Variants in ANO7 observed in about 807,000 individuals in gnomAD.
ANO7 encodes the protein anoctamin 7, also known as anoctamin-7.
ANO7 carries 114 observed loss-of-function variants against 115.8 expected under a neutral mutation model. That is an observed-to-expected ratio of 0.98 (90% CI 0.85 to 1.15). The LOEUF (loss-of-function observed/expected upper bound fraction) is 1.15. Ranked by LOEUF, ANO7 falls within the 50% of genes most tolerant of loss-of-function variation. ANO7 has a pLI of 0.00. For synonymous variants in ANO7, 550 were observed against 498.2 expected, an observed-to-expected ratio of 1.10 and a Z score of -1.38; for missense variants, 1,302 against 1,201.2, an observed-to-expected ratio of 1.08 and a Z score of -1.24.
At chr2:241,216,356 C>T in intron 19 of ANO7, 118 bp downstream of exon 19, 3 of 1,306,802 alleles carry the variant, frequency 2.3e-6, no homozygotes, top group South Asian at 3.2e-5. Context: ...CTGAAATGTG[C>T]TGTGGGGGTG....
In ANO7 at chr2:241,209,291, C is replaced by T. The variant is rs776242853; in HGVS notation, c.1084C>T (p.Arg362Trp). 1.0e-5 allele frequency: 16 copies of T among 1,553,570 alleles called. No homozygotes were observed. The highest frequency in any genetic ancestry group is 2.4e-5 in the South Asian group (2 of 84,486). ...SSACALAQAG[R>W]LFDHGGTVFF... ...CCCCCGCTCCCTGCCACAGGCCGGC[C>T]GGCTGTTCGACCACGGCGGCACCGT... is the stretch of plus-strand genomic sequence containing the variant. The change falls in exon 12 of 25, where the codon CGG becomes TGG. Residue 362 changes from arginine (R) to tryptophan (W), a missense_variant. Arg to Trp is a moderately radical substitution (Grantham distance 101, BLOSUM62 -3). Coordinates refer to ENST00000674324, the MANE Select transcript of ANO7 (RefSeq NM_001370694.2).
At position 241,190,167 on chromosome 2, in the gene ANO7, C is replaced by T. The variant is rs866019321; in HGVS notation, c.104C>T (p.Ser35Leu). ...RGSYGSTAHA[S>L]EPGGQQAAAC... ...TCTTACGGGAGCACAGCCCACGCCT[C>T]GGAGGTAACAGCACCCAGGAGACTG... The change falls in exon 2 of 25, where the codon TCG (serine) becomes TTG (leucine). Residue 35 changes from serine (S) to leucine (L), a missense_variant. Ser to Leu is a moderately radical substitution (Grantham distance 145). Transcript: ENST00000674324. 4 of 1,559,220 alleles carry T rather than the reference C, an allele frequency of 2.6e-6. No homozygotes were observed. Among genetic ancestry groups the T allele is most frequent in the East Asian group, 2.4e-5 (1 of 41,708 alleles).
downstream of ANO7, chr2:241,230,068 C>T: frequency 6.3e-7 from 1 of 1,583,962 alleles, no homozygotes; most frequent in South Asian, 1.1e-5. The surrounding 1 kb of genome is among the most constrained non-coding windows in gnomAD (Gnocchi z 5.0). Context: ...ACAAGTGCCA[C>T]CTTGTCCCCT....
the ANO7 span, chr2:241,233,738 G>GC: frequency 6.6e-7 from 1 of 1,517,730 alleles, no homozygotes; most frequent in Non-Finnish European, 9.1e-7. This position sits in a 1 kb window ranked among gnomAD's most constrained non-coding sequence, Gnocchi z 4.3. Context: ...CCCCATCTAG[G>GC]CACATCTGGT....
rs575446747 is a variant in ANO7, at chr2:241,210,719, G to A, written c.1561+149G>A. ...TTTTGAGACAGGATCTCACTCTGTT[G>A]CCCAAGCTGGAGTGCACTGGCACGA... is the stretch of plus-strand genomic sequence containing the variant. On this transcript the variant is annotated intron_variant, in intron 15 of 24. Transcript: ENST00000674324. 2.5e-4 allele frequency: 185 copies of A among 733,078 alleles called. No homozygotes were observed. The African/African-American group carries it at 2.8e-3, about 11-fold the overall frequency. The allele number at this position is 733,078 out of a possible 1,614,324, so 45.4% of individuals were successfully genotyped here.
At chr2:241,212,043 T>C in intron 15 of ANO7, 51 bp from the exon 16 acceptor site, 1 of 1,514,256 alleles carries the variant, frequency 6.6e-7, no homozygotes, top group South Asian at 1.1e-5. Flanking sequence ...GGCCCCTAGT[T>C]GGATGCTGGT....
Position 241,206,211 on chromosome 2 carries a change from G to C in ANO7, c.980+1256G>C. ...AGGTGGGCAGGAGTGCTCCCAGGCT[G>C]ACACAGGTGGACAGGAGTGCTCCCA... is the stretch of plus-strand genomic sequence containing the variant. On this transcript the variant is annotated intron_variant, in intron 10 of 24. Transcript: ENST00000674324. 8.1e-5 allele frequency among the ~76,000 whole-genome samples: 2 copies of C among 24,726 alleles called. 1 individual carries two copies. Among genetic ancestry groups the C allele is most frequent in the Non-Finnish European group, 1.4e-4 (2 of 13,842 alleles). 16.2% of individuals were successfully genotyped at this position (24,726 alleles called of 152,430 possible).
intron 4 of ANO7, 54 bp downstream of exon 4, chr2:241,195,899 C>T (rs754511038): frequency 1.9e-6 from 3 of 1,613,928 alleles, no homozygotes; most frequent in Non-Finnish European, 2.5e-6. Context: ...ACTCAGTGAC[C>T]CATGACCTTG....
Position 241,224,218 on chromosome 2 carries a change from C to T in ANO7, c.*65C>T. 6.4e-7 allele frequency: 1 copy of T among 1,565,080 alleles called. No individual in the cohort carries two copies. On this transcript the variant is annotated 3_prime_UTR_variant, in exon 25 of 25. Coordinates refer to ENST00000674324, the MANE Select transcript of ANO7 (RefSeq NM_001370694.2). ...CCTCCTGAGCCCTGCGAGCAGCGTC[C>T]TTTTCCTCTTCCCTCAGGCAGCGGC... is the stretch of plus-strand genomic sequence containing the variant.
downstream of ANO7, chr2:241,228,677 C>T (rs1158097607): frequency 2.0e-5 from 3 of 152,740 alleles, no homozygotes; most frequent in African/African-American, 7.2e-5. Flanking sequence ...AGAGACCACT[C>T]CACGCCGGCT....
intron 21 of ANO7, among the ~76,000 whole-genome samples, chr2:241,219,142 A>G (rs1468455987): frequency 6.6e-6 from 1 of 152,258 alleles, no homozygotes. Flanking sequence ...CAGAGCAGGT[A>G]GATGTACTTC....
At chr2:241,201,957 G>C (rs753303465) in intron 7 of ANO7, among the ~76,000 whole-genome samples, 3 of 152,246 alleles carry the variant, frequency 2.0e-5, no homozygotes, top group African/African-American at 7.2e-5. Context: ...TGTGGCTCTG[G>C]TCAAGGACTC....
chr2:241,196,993 G>A (rs2149130878), intron 4 of ANO7, among the ~76,000 whole-genome samples: 1 of 152,302 alleles, frequency 6.6e-6, no homozygotes, highest in South Asian at 2.1e-4. Context: ...ATCGGCAGTG[G>A]CCTGAGGCCC....
intron 3 of ANO7, among the ~76,000 whole-genome samples, chr2:241,191,677 ACCAGCACCAGCCGGGCTC>A (rs977487135): frequency 6.6e-6 from 1 of 151,984 alleles, no homozygotes; most frequent in Non-Finnish European, 1.5e-5. Context: ...AGGGGATTGC[ACCAGCACCAGCCGGGCTC>A]CCAGCACCCA....
chr2:241,196,309 T>A, intron 4 of ANO7: 1 of 444,088 alleles, frequency 2.3e-6, no homozygotes, highest in Non-Finnish European at 3.1e-6. Flanking sequence ...AAACAGGAAC[T>A]AGGCGTGAGG....
rs2149285133 is a variant in ANO7 at position 241,225,642 on chromosome 2, CA to C, written c.*1490del. ...ATCCTCGCCTGCGTTCTATTTCACCCACCGTGATGCCTGGCCTGAGGGCGGC... is the reference window on the plus strand; with the variant it reads ...ATCCTCGCCTGCGTTCTATTTCACCCCCGTGATGCCTGGCCTGAGGGCGGC... On this transcript the variant is annotated 3_prime_UTR_variant, in exon 25 of 25. Transcript: ENST00000674324. Among the ~76,000 whole-genome samples, 1 of 151,914 alleles carries C rather than the reference CA, an allele frequency of 6.6e-6. No individual in the cohort carries two copies. The highest frequency in any genetic ancestry group is 1.9e-4 in the East Asian group (1 of 5,184).
At chr2:241,229,988 G>A, downstream of ANO7, 5 of 1,582,268 alleles carry the variant, frequency 3.2e-6, no homozygotes, top group Non-Finnish European at 4.3e-6. Context: ...GGAAGACAGG[G>A]TCAGTCTGCC....
chr2:241,239,523 T>G, the ANO7 span: 1 of 1,160,598 alleles, frequency 8.6e-7, no homozygotes, highest in East Asian at 2.3e-5. The surrounding 1 kb of genome is among the most constrained non-coding windows in gnomAD (Gnocchi z 4.6). Context: ...CCCTACAGGG[T>G]GGAGCGAACA....
chr2:241,230,657 T>C (rs2069631515), downstream of ANO7: 1 of 1,012,000 alleles, frequency 9.9e-7, no homozygotes, highest in Non-Finnish European at 1.5e-6. This position sits in a 1 kb window ranked among gnomAD's most constrained non-coding sequence, Gnocchi z 5.0. Context: ...GGTTGTGGCC[T>C]CATCATCTTG....
Sources: allele counts gnomAD v4.1 joint callset (sites outside exome capture counted in the v4.1 genomes callset), GRCh38; gene constraint gnomAD v4.1.1; non-coding constraint Gnocchi (gnomAD v3.1); transcripts MANE v1.5; gene names NCBI Gene and HGNC (gene_info 2026-07-23, HGNC 2026-07-21).